Variants in SEMA3C observed in about 807,000 individuals in gnomAD.
The protein encoded by SEMA3C is semaphorin-3C.
In SEMA3C, 47 loss-of-function variants were observed where a neutral mutation model predicts 89.4. The observed-to-expected ratio is 0.53, with a 90% confidence interval of 0.42 to 0.67. SEMA3C has a LOEUF of 0.67. Among genes scored for constraint, SEMA3C ranks in the 30% least tolerant of loss-of-function variants. The probability of loss-of-function intolerance (pLI) is 0.00; values close to 1 mark genes in which losing one functional copy is unlikely to be tolerated. For missense variants in SEMA3C, 839 were observed against 929.1 expected (o/e 0.90, Z 1.26); for synonymous variants, 310 against 320.2 (o/e 0.97, Z 0.34).
In SEMA3C at chr7:80,906,464, G is replaced by A. The variant is rs147045421; in HGVS notation, c.103+10215C>T. ...CTGCTACACATTCCATCAGCACCTG[G>A]GCTCTGAAGCTTTCACCATTTCATG... On this transcript the variant is annotated intron_variant, in intron 2 of 17. Coordinates refer to ENST00000265361, the MANE Select transcript of SEMA3C (RefSeq NM_006379.5). 3.2e-3 allele frequency among the ~76,000 whole-genome samples: 491 copies of A among 152,042 alleles called. 4 individuals are homozygous for A. Among genetic ancestry groups the A allele is most frequent in the African/African-American group, 0.011 (470 of 41,468 alleles).
intron 2 of SEMA3C, among the ~76,000 whole-genome samples, chr7:80,877,454 C>G (rs555438708): frequency 6.6e-6 from 1 of 152,026 alleles, no homozygotes; most frequent in Non-Finnish European, 1.5e-5. Context: ...GAAACACTTT[C>G]CTTTATAGTG....
chr7:80,916,498 A>G (rs534900703), intron 2 of SEMA3C, among the ~76,000 whole-genome samples, 181 bp downstream of exon 2: 1 of 152,364 alleles, frequency 6.6e-6, no homozygotes, highest in Admixed American at 6.5e-5. Flanking sequence ...CAAATCCAAC[A>G]GAGGATCTTT....
chr7:80,754,966 T>TG (rs1554359518), intron 15 of SEMA3C, among the ~76,000 whole-genome samples: 3 of 139,096 alleles, frequency 2.2e-5, no homozygotes, highest in East Asian at 4.0e-4. Context: ...TGTTTTTTTT[T>TG]TTTTTGTATT....
At chr7:80,916,146 T>A (rs1237789130) in intron 2 of SEMA3C, among the ~76,000 whole-genome samples, 4 of 152,238 alleles carry the variant, frequency 2.6e-5, no homozygotes, top group Non-Finnish European at 5.9e-5. Flanking sequence ...TTCCAATTAT[T>A]CTTTTAGGTC....
chr7:80,802,825 T>C (rs1789241851), intron 8 of SEMA3C, 46 bp from the exon 9 acceptor site: 1 of 1,426,010 alleles, frequency 7.0e-7, no homozygotes, highest in South Asian at 1.2e-5. Flanking sequence ...AAGTAAATAT[T>C]GAAGCACATT....
chr7:80,775,324 A>G (rs76393841), intron 12 of SEMA3C, among the ~76,000 whole-genome samples: 18,652 of 152,054 alleles, frequency 0.12, 1,185 homozygotes, highest in Non-Finnish European at 0.14. Context: ...TGGAACTACT[A>G]CAGATATTTG....
intron 6 of SEMA3C, among the ~76,000 whole-genome samples, chr7:80,807,287 A>G (rs758444711): frequency 4.6e-5 from 7 of 152,160 alleles, no homozygotes; most frequent in Non-Finnish European, 1.0e-4. Context: ...GTTTTCAAGC[A>G]GAAAAAGAAA....
chr7:80,906,194 T>C (rs76673182), intron 2 of SEMA3C, among the ~76,000 whole-genome samples: 5,047 of 152,216 alleles, frequency 0.033, 263 homozygotes, highest in African/African-American at 0.11. Flanking sequence ...TCTTGAAAAA[T>C]GTCTATGCTA....
intron 4 of SEMA3C, among the ~76,000 whole-genome samples, chr7:80,824,224 T>C (rs1290299169): frequency 6.6e-6 from 1 of 152,182 alleles, no homozygotes; most frequent in Non-Finnish European, 1.5e-5. Flanking sequence ...TTTGCTTAGA[T>C]GATTAACAGA....
At chr7:80,868,378 G>GT (rs1419801229) in intron 2 of SEMA3C, among the ~76,000 whole-genome samples, 7 of 151,966 alleles carry the variant, frequency 4.6e-5, no homozygotes, top group Admixed American at 1.3e-4. Flanking sequence ...AGTGATTCTT[G>GT]TGTCTCAGCC....
chr7:80,869,326 C>T (rs1315399504), intron 2 of SEMA3C, among the ~76,000 whole-genome samples: 3 of 152,146 alleles, frequency 2.0e-5, no homozygotes, highest in Non-Finnish European at 4.4e-5. Context: ...CATTACAAGA[C>T]AAGCAGGGAT....
At chr7:80,752,303 A>G (rs539185502) in intron 15 of SEMA3C, among the ~76,000 whole-genome samples, 24 of 152,234 alleles carry the variant, frequency 1.6e-4, no homozygotes, top group African/African-American at 5.8e-4. Context: ...TTATTAGCTT[A>G]AGCATTTCAA....
chr7:80,871,126 T>C (rs1298591346), intron 2 of SEMA3C, among the ~76,000 whole-genome samples: 1 of 152,210 alleles, frequency 6.6e-6, no homozygotes, highest in Admixed American at 6.5e-5. Context: ...GTGACCTCAT[T>C]CATTAGCACA....
chr7:80,789,098 T>C (rs1035374623), intron 12 of SEMA3C, among the ~76,000 whole-genome samples: 4 of 152,014 alleles, frequency 2.6e-5, no homozygotes, highest in Admixed American at 2.6e-4. Flanking sequence ...CTATATATAT[T>C]CCTCACAAGA....
At chr7:80,789,555 G>T in intron 11 of SEMA3C, 27 bp from the exon 12 acceptor site, 1 of 1,469,712 alleles carries the variant, frequency 6.8e-7, no homozygotes, top group Non-Finnish European at 9.2e-7. Context: ...AAAGAACCAA[G>T]TTAATAAAAT....
At position 80,918,854 on chromosome 7, in the gene SEMA3C, A is replaced by G; in HGVS notation, c.-65T>C. 3.0e-6 allele frequency: 3 copies of G among 985,474 alleles called. No homozygotes were observed. In the South Asian group the frequency reaches 1.4e-4, roughly 46 times the overall value. The allele number at this position is 985,474 out of a possible 1,614,324, so 61.0% of individuals were successfully genotyped here. On this transcript the variant is annotated 5_prime_UTR_variant, in exon 1 of 18. Transcript: ENST00000265361. ...GAGGTTGAAAGAAATCAGCACGGAA[A>G]AGTCATCAGTTTGCTACCGGGGTTG...
At position 80,789,256 on chromosome 7, in the gene SEMA3C, G is replaced by A. The variant is rs760965799; in HGVS notation, c.1354+50C>T. ...GGCCCTTACCTACTACCTATATTTA[G>A]TACATTCTTTTACTACACATTAAAG... On this transcript the variant is annotated intron_variant, in intron 12 of 17. Coordinates refer to ENST00000265361, the MANE Select transcript of SEMA3C (RefSeq NM_006379.5). 9 of 1,443,492 alleles carry A rather than the reference G, an allele frequency of 6.2e-6. No homozygotes were observed. In the Admixed American group the frequency reaches 1.6e-4, roughly 26 times the overall value. 89.4% of individuals were successfully genotyped at this position (1,443,492 alleles called of 1,614,324 possible).
At chr7:80,747,736 A>G (rs1440686391) in intron 17 of SEMA3C, among the ~76,000 whole-genome samples, 1 of 152,154 alleles carries the variant, frequency 6.6e-6, no homozygotes, top group East Asian at 1.9e-4. Flanking sequence ...AATCTTTCTA[A>G]AAGTATTGTT....
chr7:80,849,949 T>C (rs1230503893), intron 2 of SEMA3C, among the ~76,000 whole-genome samples: 2 of 151,972 alleles, frequency 1.3e-5, no homozygotes, highest in African/African-American at 4.8e-5. Context: ...TAGAAACTAA[T>C]TTAAAAAAAT....
Sources: allele counts gnomAD v4.1 joint callset (sites outside exome capture counted in the v4.1 genomes callset), GRCh38; gene constraint gnomAD v4.1.1; transcripts MANE v1.5; gene names NCBI Gene and HGNC (gene_info 2026-07-23, HGNC 2026-07-21).